NCAM2: variants seen among roughly 807,000 people sequenced by gnomAD.
NCAM2 encodes N-CAM-2.
A neutral mutation model predicts 98.1 loss-of-function variants in NCAM2; 30 were observed. The ratio of observed to expected loss-of-function variants is 0.31; its 90% CI spans 0.23 to 0.41. The LOEUF (loss-of-function observed/expected upper bound fraction) is 0.41. Among genes scored for constraint, NCAM2 ranks in the 10% least tolerant of loss-of-function variants. The pLI is 1.00. For missense variants in NCAM2, 867 were observed against 1,005.8 expected, an observed-to-expected ratio of 0.86 and a Z score of 1.87; for synonymous variants, 368 against 342.4, an observed-to-expected ratio of 1.07 and a Z score of -0.83.
chr21:21,322,098 C>A (rs562570688), intron 5 of NCAM2, among the ~76,000 whole-genome samples: 1 of 152,118 alleles, frequency 6.6e-6, no homozygotes, highest in Non-Finnish European at 1.5e-5. Context: ...AAATGCAGTA[C>A]CTATACACCA....
chr21:21,025,238 A>T (rs1181652131), intron 1 of NCAM2, among the ~76,000 whole-genome samples: 1 of 151,932 alleles, frequency 6.6e-6, no homozygotes, highest in Non-Finnish European at 1.5e-5. Context: ...GGTGCCTGCC[A>T]CCATGCCCGG....
At chr21:21,136,731 G>C (rs1183755621) in intron 1 of NCAM2, among the ~76,000 whole-genome samples, 1 of 151,148 alleles carries the variant, frequency 6.6e-6, no homozygotes, top group African/African-American at 2.4e-5. Flanking sequence ...GTCCCTCAAA[G>C]TGCTAGGATT....
intron 1 of NCAM2, among the ~76,000 whole-genome samples, chr21:21,079,427 C>A (rs79662878): frequency 6.6e-6 from 1 of 151,992 alleles, no homozygotes; most frequent in Non-Finnish European, 1.5e-5. Context: ...GAATTTATAT[C>A]TAGGGGGAAA....
At chr21:21,166,497 C>T (rs945848684) in intron 1 of NCAM2, among the ~76,000 whole-genome samples, 12 of 139,264 alleles carry the variant, frequency 8.6e-5, no homozygotes, top group South Asian at 2.1e-4. Flanking sequence ...TGAGCCACCG[C>T]GCCTGGCCTG....
At chr21:21,270,946 A>T (rs891835975) in intron 1 of NCAM2, among the ~76,000 whole-genome samples, 3 of 146,400 alleles carry the variant, frequency 2.0e-5, no homozygotes, top group African/African-American at 5.0e-5. Context: ...TCTTTTAGTT[A>T]TTTTTTTTTT....
chr21:21,286,363 T>G lies in NCAM2; in HGVS notation c.432T>G (p.Pro144=). 1 of 1,612,354 alleles carries G rather than the reference T, an allele frequency of 6.2e-7. No individual in the cohort carries two copies. Among genetic ancestry groups the G allele is most frequent in the Admixed American group, 1.7e-5 (1 of 59,796 alleles). The part of the protein sequence containing the change: ...VVCRVSSSPA[P]AVSWLYHNEE... ...GCCGAGTTAGCAGTTCACCTGCACC[T>G]GCTGTCAGCTGGTTGTATCATAATG... is the stretch of plus-strand genomic sequence containing the variant. The change falls in exon 4 of 18, where the codon CCT becomes CCG. Residue 144 remains proline (P), a synonymous_variant. Transcript: ENST00000400546.
Position 21,394,469 on chromosome 21 carries a change from C to CTTTTTTTTTTTTTTTTTTTTTTT in NCAM2, c.1196-15790_1196-15768dup, listed in dbSNP as rs532068473. On this transcript the variant is annotated intron_variant, in intron 9 of 17. Transcript: ENST00000400546. ...GACCTTAGTTAATTTAAGGGGCCAG[C>CTTTTTTTTTTTTTTTTTTTTTTT]TTTTTTTTTTTTTTTTTTTTTTTTT... Among the ~76,000 whole-genome samples, 17 of 57,672 alleles carry CTTTTTTTTTTTTTTTTTTTTTTT rather than the reference C, an allele frequency of 2.9e-4. 3 individuals carry two copies. Among genetic ancestry groups the CTTTTTTTTTTTTTTTTTTTTTTT allele is most frequent in the Non-Finnish European group, 4.7e-4 (16 of 33,702 alleles). The allele number at this position is 57,672 out of a possible 152,430, so 37.8% of individuals were successfully genotyped here. A position where few individuals can be genotyped will look rare whatever the true frequency, so the allele number is the denominator to read the frequency against.
intron 8 of NCAM2, among the ~76,000 whole-genome samples, chr21:21,349,787 G>A (rs900911634): frequency 6.6e-6 from 1 of 152,104 alleles, no homozygotes; most frequent in Non-Finnish European, 1.5e-5. Context: ...GATGGAAGTG[G>A]AGATCATTGT....
intron 12 of NCAM2, among the ~76,000 whole-genome samples, chr21:21,433,369 GT>G (rs991628511): frequency 4.3e-4 from 66 of 151,742 alleles, no homozygotes; most frequent in African/African-American, 1.6e-3. Flanking sequence ...AAGGACTATA[GT>G]TTTTTTTTAA....
chr21:21,533,166 C>CTTTTTTTT (rs201532023), intron 16 of NCAM2, among the ~76,000 whole-genome samples: 4,020 of 93,442 alleles, frequency 0.043, 550 homozygotes, highest in African/African-American at 0.16. Flanking sequence ...TGTTTGCTTG[C>CTTTTTTTT]TTTTTTTTTT....
intron 1 of NCAM2, among the ~76,000 whole-genome samples, chr21:21,045,460 A>G (rs921576457): frequency 6.6e-6 from 1 of 152,138 alleles, no homozygotes; most frequent in African/African-American, 2.4e-5. Context: ...TCTGGGCAAC[A>G]TAGTGAGACC....
chr21:21,278,506 C>A (rs1041275698), intron 1 of NCAM2, among the ~76,000 whole-genome samples: 2 of 152,162 alleles, frequency 1.3e-5, no homozygotes, highest in Admixed American at 1.3e-4. Flanking sequence ...TACCTAAAAT[C>A]TATTTTTCCC....
intron 11 of NCAM2, among the ~76,000 whole-genome samples, chr21:21,422,108 T>C (rs1348859857): frequency 1.3e-5 from 2 of 152,084 alleles, no homozygotes; most frequent in Non-Finnish European, 2.9e-5. Flanking sequence ...GTGTTGAGTG[T>C]TGGGATCCAG....
At position 21,431,123 on chromosome 21, in the gene NCAM2, T is replaced by TTG. The variant is rs3037969; in HGVS notation, c.1481-963_1481-962dup. On this transcript the variant is annotated intron_variant, in intron 11 of 17. Transcript: ENST00000400546. ...CAGAGCCAAACCATATAATATATGT[T>TTG]TGTGTGTGTGTGTGTGTGTGTGTAT... Among the ~76,000 whole-genome samples the TTG allele has an allele frequency of 3.9e-3, 545 of 141,234 alleles. 1 individual carries two copies. Among genetic ancestry groups the TTG allele is most frequent in the Admixed American group, 4.3e-3 (59 of 13,788 alleles). 92.7% of individuals were successfully genotyped at this position (141,234 alleles called of 152,430 possible). A position where few individuals can be genotyped will look rare whatever the true frequency, so the allele number is the denominator to read the frequency against.
At chr21:21,266,735 G>A (rs554297694) in intron 1 of NCAM2, among the ~76,000 whole-genome samples, 1 of 151,932 alleles carries the variant, frequency 6.6e-6, no homozygotes, top group African/African-American at 2.4e-5. Context: ...GTGGGTGGAG[G>A]GGGGAGGGAT....
At chr21:21,147,802 A>AATATAT (rs35875368) in intron 1 of NCAM2, among the ~76,000 whole-genome samples, 2 of 148,684 alleles carry the variant, frequency 1.3e-5, no homozygotes, top group East Asian at 2.0e-4. Context: ...AAATTTATTG[A>AATATAT]ATATATATAT....
chr21:21,456,755 A>C (rs1982206911), intron 12 of NCAM2, among the ~76,000 whole-genome samples: 1 of 152,150 alleles, frequency 6.6e-6, no homozygotes, highest in Non-Finnish European at 1.5e-5. Flanking sequence ...AGAGGTATTA[A>C]ATCCTAAGGG....
chr21:21,289,408 G>A (rs1172601476), intron 4 of NCAM2, among the ~76,000 whole-genome samples: 2 of 151,822 alleles, frequency 1.3e-5, no homozygotes, highest in African/African-American at 4.8e-5. Flanking sequence ...AATAAAGGAT[G>A]ATAAAATAAA....
intron 1 of NCAM2, among the ~76,000 whole-genome samples, chr21:21,002,147 T>A (rs962999134): frequency 1.3e-5 from 2 of 152,168 alleles, no homozygotes; most frequent in African/African-American, 4.8e-5. Flanking sequence ...TAAATTAATA[T>A]CTTTATTGTC....
Sources: allele counts gnomAD v4.1 joint callset (sites outside exome capture counted in the v4.1 genomes callset), GRCh38; gene constraint gnomAD v4.1.1; transcripts MANE v1.5; gene names NCBI Gene and HGNC (gene_info 2026-07-23, HGNC 2026-07-21).